NDUFS4: variants seen among roughly 807,000 people sequenced by gnomAD.
The protein encoded by NDUFS4 is NADH dehydrogenase [ubiquinone] iron-sulfur protein 4, mitochondrial.
A neutral mutation model predicts 24.3 loss-of-function variants in NDUFS4; 28 were observed. The observed-to-expected ratio is 1.15, with a 90% CI of 0.85 to 1.58. The LOEUF (loss-of-function observed/expected upper bound fraction) is 1.58. Ranked by LOEUF, NDUFS4 falls within the 40% of genes most tolerant of loss-of-function variation. NDUFS4 has a pLI of 0.00. For synonymous variants in NDUFS4, 93 were observed against 69.7 expected, an observed-to-expected ratio of 1.34 and a Z score of -1.67; for missense variants, 223 against 207.9, an observed-to-expected ratio of 1.07 and a Z score of -0.45.
At chr5:53,576,103 A>G (rs1436108956) in intron 1 of NDUFS4, among the ~76,000 whole-genome samples, 1 of 152,242 alleles carries the variant, frequency 6.6e-6, no homozygotes, top group Non-Finnish European at 1.5e-5. Flanking sequence ...TTTAGAGTAA[A>G]TGATGGAAGT....
chr5:53,623,565 T>A (rs1751122917), intron 2 of NDUFS4, among the ~76,000 whole-genome samples: 2 of 152,196 alleles, frequency 1.3e-5, no homozygotes, highest in African/African-American at 2.4e-5. Context: ...TTTGATGACG[T>A]CTGATTTATC....
chr5:53,627,537 C>T (rs545635243), intron 2 of NDUFS4, among the ~76,000 whole-genome samples: 3 of 152,060 alleles, frequency 2.0e-5, no homozygotes, highest in Non-Finnish European at 2.9e-5. Context: ...TTCGTTTGTT[C>T]GTGTCCTCTT....
rs113995882 is a variant in NDUFS4, at chr5:53,609,409, A to T, written c.177+5879A>T. On this transcript the variant is annotated intron_variant, in intron 2 of 4. Coordinates refer to ENST00000296684, the MANE Select transcript of NDUFS4 (RefSeq NM_002495.4). ...TTGAAAATAATCTTTTTTTCTGAGC[A>T]GTAGATATTGACACTGGGCATAAAA... Among the ~76,000 whole-genome samples the T allele has an allele frequency of 1.6e-3, 244 of 152,290 alleles. 1 individual carries two copies. Among genetic ancestry groups the T allele is most frequent in the African/African-American group, 5.6e-3 (234 of 41,572 alleles).
intron 1 of NDUFS4, among the ~76,000 whole-genome samples, chr5:53,593,200 C>A (rs1028060129): frequency 7.2e-5 from 11 of 152,026 alleles, no homozygotes; most frequent in Non-Finnish European, 1.0e-4. Flanking sequence ...ATTATTGATT[C>A]ATTATCTTTA....
At chr5:53,657,723 G>A (rs535006354) in intron 3 of NDUFS4, among the ~76,000 whole-genome samples, 6 of 151,968 alleles carry the variant, frequency 3.9e-5, no homozygotes, top group East Asian at 1.9e-4. Flanking sequence ...TCAGGAGTTC[G>A]AGACCAGCCT....
At chr5:53,668,030 A>G (rs530064921) in intron 4 of NDUFS4, among the ~76,000 whole-genome samples, 1 of 152,312 alleles carries the variant, frequency 6.6e-6, no homozygotes, top group South Asian at 2.1e-4. Context: ...AATATGACAA[A>G]GGTTATACGT....
intron 2 of NDUFS4, among the ~76,000 whole-genome samples, chr5:53,637,341 C>T (rs1359596234): frequency 1.3e-5 from 2 of 152,080 alleles, no homozygotes; most frequent in African/African-American, 2.4e-5. Flanking sequence ...TTTATTGGCT[C>T]CATAAAGTCA....
At chr5:53,664,214 G>A (rs1356526381) in intron 4 of NDUFS4, among the ~76,000 whole-genome samples, 1 of 152,124 alleles carries the variant, frequency 6.6e-6, no homozygotes, top group African/African-American at 2.4e-5. Context: ...TTAGTCTGAT[G>A]GGCTTCCCTT....
At chr5:53,583,658 C>G (rs898585085) in intron 1 of NDUFS4, among the ~76,000 whole-genome samples, 5 of 152,246 alleles carry the variant, frequency 3.3e-5, no homozygotes, top group African/African-American at 1.2e-4. Flanking sequence ...AAAAGCAACT[C>G]AAAAATAGGA....
At chr5:53,615,611 C>T (rs947457089) in intron 2 of NDUFS4, among the ~76,000 whole-genome samples, 1 of 152,032 alleles carries the variant, frequency 6.6e-6, no homozygotes, top group Non-Finnish European at 1.5e-5. Context: ...TATACTATGT[C>T]TCCACAAAAC....
At chr5:53,630,397 C>G (rs536921182) in intron 2 of NDUFS4, among the ~76,000 whole-genome samples, 1 of 151,670 alleles carries the variant, frequency 6.6e-6, no homozygotes, top group African/African-American at 2.4e-5. Flanking sequence ...GTGGTGTTCT[C>G]TGTATTTCCT....
chr5:53,585,683 G>A (rs1172648355), intron 1 of NDUFS4, among the ~76,000 whole-genome samples: 4 of 151,678 alleles, frequency 2.6e-5, no homozygotes, highest in African/African-American at 4.8e-5. Context: ...CGGAGGTTGC[G>A]GTGAGCCGAG....
chr5:53,626,664 CT>C (rs1751236059), intron 2 of NDUFS4, among the ~76,000 whole-genome samples: 1 of 152,160 alleles, frequency 6.6e-6, no homozygotes, highest in Non-Finnish European at 1.5e-5. Flanking sequence ...AGTTTGTTGG[CT>C]GCATAAATGT....
intron 4 of NDUFS4, among the ~76,000 whole-genome samples, chr5:53,659,959 T>C (rs1752282215): frequency 6.6e-6 from 1 of 152,104 alleles, no homozygotes; most frequent in Non-Finnish European, 1.5e-5. Context: ...GTCTGACAAA[T>C]ACTATATGAT....
At position 53,648,250 on chromosome 5, in the gene NDUFS4, C is replaced by T. The variant is rs1055139220; in HGVS notation, c.350+1845C>T. Among the ~76,000 whole-genome samples, 42 of 152,080 alleles carry T rather than the reference C, an allele frequency of 2.8e-4. 1 individual carries two copies. The highest frequency in any genetic ancestry group is 9.9e-4 in the African/African-American group (41 of 41,404). ...CATGGTTATAAGGAAGGGATGGAAT[C>T]GGCTCATGTCCCTCAAAGCCCATAA... On this transcript the variant is annotated intron_variant, in intron 3 of 4. Transcript: ENST00000296684.
intron 4 of NDUFS4, among the ~76,000 whole-genome samples, chr5:53,660,501 T>C (rs1198849773): frequency 6.6e-6 from 1 of 152,174 alleles, no homozygotes; most frequent in Non-Finnish European, 1.5e-5. Flanking sequence ...TTATAATCCT[T>C]TGGGTATATA....
At chr5:53,623,335 G>C (rs1459124814) in intron 2 of NDUFS4, among the ~76,000 whole-genome samples, 1 of 152,150 alleles carries the variant, frequency 6.6e-6, no homozygotes, top group Non-Finnish European at 1.5e-5. Context: ...TAGTATCTCA[G>C]TGTGGTTTTG....
intron 2 of NDUFS4, among the ~76,000 whole-genome samples, chr5:53,605,380 A>G (rs376397849): frequency 9.9e-4 from 151 of 152,242 alleles, no homozygotes; most frequent in African/African-American, 3.5e-3. Context: ...AAGTTTTCAA[A>G]TTTTAGAGTT....
At chr5:53,595,682 T>C (rs1750113400) in intron 1 of NDUFS4, among the ~76,000 whole-genome samples, 1 of 152,208 alleles carries the variant, frequency 6.6e-6, no homozygotes, top group Non-Finnish European at 1.5e-5. Flanking sequence ...CTCCTACTTA[T>C]TACTCTTCAA....
Sources: gnomAD v4.1 joint callset for allele counts (sites outside exome capture counted in the v4.1 genomes callset) on GRCh38, gnomAD v4.1.1 for gene constraint, MANE v1.5 for transcripts, NCBI Gene and HGNC (gene_info 2026-07-23, HGNC 2026-07-21) for gene names.